PUM2: variants seen among roughly 807,000 people sequenced by gnomAD.
PUM2 encodes the protein pumilio RNA binding family member 2.
PUM2 carries 57 observed loss-of-function variants against 124.5 expected under a neutral mutation model. That is an observed-to-expected ratio of 0.46 (90% CI 0.37 to 0.57). The LOEUF (loss-of-function observed/expected upper bound fraction) is 0.57. Ranked by LOEUF, PUM2 falls within the 20% of genes least tolerant of loss-of-function variation. The probability of loss-of-function intolerance (pLI) is 0.00; values close to 1 mark genes in which losing one functional copy is unlikely to be tolerated. For missense variants in PUM2, 1,065 were observed against 1,290.6 expected (o/e 0.83, Z 2.68); for synonymous variants, 460 against 446.1 (o/e 1.03, Z -0.39).
chr2:20,332,112 G>T (rs1262719275), intron 1 of PUM2, among the ~76,000 whole-genome samples: 1 of 152,142 alleles, frequency 6.6e-6, no homozygotes, highest in Non-Finnish European at 1.5e-5. Context: ...AAAAACAGGT[G>T]ATGGGTCAGA....
intron 7 of PUM2, among the ~76,000 whole-genome samples, chr2:20,304,011 T>C (rs1429660982): frequency 2.6e-5 from 4 of 152,348 alleles, no homozygotes; most frequent in Admixed American, 2.0e-4. Flanking sequence ...TCATTTTTGT[T>C]TGAAACATTA....
chr2:20,324,308 G>A (rs1343523679), intron 2 of PUM2, among the ~76,000 whole-genome samples: 1 of 152,074 alleles, frequency 6.6e-6, no homozygotes, highest in Non-Finnish European at 1.5e-5. Flanking sequence ...ACACTACATA[G>A]AATCTTAGTA....
chr2:20,255,880 AAG>A (rs1169801682), intron 17 of PUM2, among the ~76,000 whole-genome samples, 151 bp downstream of exon 17: 1 of 152,198 alleles, frequency 6.6e-6, no homozygotes, highest in Non-Finnish European at 1.5e-5. Flanking sequence ...CTGACTATGA[AAG>A]AGGAAGAAAT....
At chr2:20,344,722 C>A (rs1304388805) in intron 1 of PUM2, among the ~76,000 whole-genome samples, 1 of 152,126 alleles carries the variant, frequency 6.6e-6, no homozygotes, top group African/African-American at 2.4e-5. Context: ...GTGGCTCACA[C>A]CTGTAATCCC....
intron 7 of PUM2, 105 bp from the exon 8 acceptor site, chr2:20,297,783 G>GGGGGGGGC: frequency 8.9e-7 from 1 of 1,118,472 alleles, no homozygotes. Flanking sequence ...TGGGGGTGGG[G>GGGGGGGGC]AGCAGAGTGT....
chr2:20,256,204 C>T, intron 16 of PUM2, 34 bp from the exon 17 acceptor site: 2 of 1,545,466 alleles, frequency 1.3e-6, no homozygotes, highest in South Asian at 1.3e-5. Context: ...AAATTATTAC[C>T]TCAAACGAGA....
At chr2:20,327,899 C>G (rs1684047548) in intron 1 of PUM2, among the ~76,000 whole-genome samples, 1 of 152,140 alleles carries the variant, frequency 6.6e-6, no homozygotes, top group Non-Finnish European at 1.5e-5. Flanking sequence ...ATAAATTACA[C>G]TGGGATTTTC....
In PUM2 at chr2:20,249,685, C is replaced by T. The variant is rs1662835737; in HGVS notation, c.*1900G>A. The T allele has an allele frequency of 6.6e-6, 1 of 152,606 alleles. No homozygotes were observed. Among genetic ancestry groups the T allele is most frequent in the South Asian group, 2.1e-4 (1 of 4,838 alleles). 9.5% of individuals were successfully genotyped at this position (152,606 alleles called of 1,614,324 possible). ...CTGCAGATCTCTAGTAAAAAAAGAT[C>T]TCTTCCATATTCAGCTGACAGAATA... is the stretch of plus-strand genomic sequence containing the variant. On this transcript the variant is annotated 3_prime_UTR_variant, in exon 21 of 21. Coordinates refer to ENST00000361078, the MANE Select transcript of PUM2 (RefSeq NM_015317.5).
At chr2:20,287,953 T>G (rs1049447424) in intron 10 of PUM2, among the ~76,000 whole-genome samples, 1 of 152,172 alleles carries the variant, frequency 6.6e-6, no homozygotes, top group African/African-American at 2.4e-5. Context: ...AGTAGAAATG[T>G]CTGGTATAAG....
intron 1 of PUM2, among the ~76,000 whole-genome samples, chr2:20,347,741 A>G (rs1177437099): frequency 6.6e-6 from 1 of 152,210 alleles, no homozygotes; most frequent in African/African-American, 2.4e-5. Context: ...GTGGAGGCAT[A>G]ATTTAGACCT....
At chr2:20,300,868 G>A (rs1209346764) in intron 7 of PUM2, among the ~76,000 whole-genome samples, 3 of 151,650 alleles carry the variant, frequency 2.0e-5, no homozygotes, top group African/African-American at 7.3e-5. Flanking sequence ...GACAGGCAGA[G>A]CTCAAAGTCA....
At chr2:20,344,364 A>G (rs953563965) in intron 1 of PUM2, among the ~76,000 whole-genome samples, 5 of 152,202 alleles carry the variant, frequency 3.3e-5, no homozygotes, top group Admixed American at 2.0e-4. Flanking sequence ...TCTTTCTTAC[A>G]GTCAGTTCCT....
intron 8 of PUM2, among the ~76,000 whole-genome samples, chr2:20,294,868 G>A (rs949631618): frequency 3.3e-5 from 5 of 152,168 alleles, no homozygotes; most frequent in East Asian, 1.9e-4. Context: ...CTCATTCATC[G>A]TTTCTCTCAG....
intron 1 of PUM2, among the ~76,000 whole-genome samples, chr2:20,345,266 A>G (rs533263321): frequency 2.4e-4 from 37 of 151,846 alleles, no homozygotes; most frequent in African/African-American, 7.7e-4. Flanking sequence ...GCGTGCCACC[A>G]TGCCAGACTA....
chr2:20,290,315 G>C (rs1440135267), intron 10 of PUM2, among the ~76,000 whole-genome samples: 2 of 152,172 alleles, frequency 1.3e-5, no homozygotes, highest in African/African-American at 4.8e-5. Flanking sequence ...GTGGCAAATA[G>C]ATTGTCTTGC....
intron 13 of PUM2, among the ~76,000 whole-genome samples, chr2:20,268,475 G>A (rs1432833029): frequency 6.6e-6 from 1 of 152,062 alleles, no homozygotes; most frequent in Non-Finnish European, 1.5e-5. Context: ...AAAATTAGCT[G>A]GGTGTGGTGG....
chr2:20,261,445 C>T (rs1046351042), intron 14 of PUM2, among the ~76,000 whole-genome samples: 12 of 123,206 alleles, frequency 9.7e-5, no homozygotes, highest in South Asian at 5.0e-4. Context: ...TAATTGTGTA[C>T]GGTATCTGAT....
At chr2:20,282,004 GA>G (rs1323794300) in intron 12 of PUM2, among the ~76,000 whole-genome samples, 2 of 152,194 alleles carry the variant, frequency 1.3e-5, no homozygotes, top group Non-Finnish European at 2.9e-5. Context: ...GATGTGGTAA[GA>G]AAAGAGATCA....
intron 15 of PUM2, 47 bp downstream of exon 15, chr2:20,260,290 A>T (rs1296186438): frequency 1.9e-6 from 3 of 1,544,430 alleles, no homozygotes; most frequent in Non-Finnish European, 2.6e-6. Flanking sequence ...AGCATCAAGT[A>T]TACAACAGCT....
Sources: allele counts gnomAD v4.1 joint callset (sites outside exome capture counted in the v4.1 genomes callset), GRCh38; gene constraint gnomAD v4.1.1; transcripts MANE v1.5; gene names NCBI Gene and HGNC (gene_info 2026-07-23, HGNC 2026-07-21).